CEP128: variants seen among roughly 807,000 people sequenced by gnomAD.
CEP128 encodes the protein centrosomal protein 128kDa.
Under a neutral mutation model 156.7 loss-of-function variants are expected in CEP128, and 132 were observed. The ratio of observed to expected loss-of-function variants is 0.84; its 90% CI spans 0.73 to 0.97. The LOEUF (loss-of-function observed/expected upper bound fraction) is 0.97, where lower values mean the gene tolerates loss of function less well. CEP128 is among the 50% of genes least tolerant of loss of function. The probability of loss-of-function intolerance (pLI) is 0.00; values close to 1 mark genes in which losing one functional copy is unlikely to be tolerated. For missense variants in CEP128, 1,252 were observed against 1,281.9 expected, an observed-to-expected ratio of 0.98 and a Z score of 0.36; for synonymous variants, 469 against 448.9, an observed-to-expected ratio of 1.04 and a Z score of -0.57.
intron 21 of CEP128, among the ~76,000 whole-genome samples, chr14:80,550,410 C>A (rs1162037056): frequency 6.6e-6 from 1 of 151,996 alleles, no homozygotes; most frequent in Non-Finnish European, 1.5e-5. Context: ...ATGACATTTT[C>A]TCACAATATT....
Position 80,596,846 on chromosome 14 carries a change from G to T in CEP128, c.2807-16423C>A, listed in dbSNP as rs868531985. On this transcript the variant is annotated intron_variant, in intron 19 of 24. Coordinates refer to ENST00000555265, the MANE Select transcript of CEP128 (RefSeq NM_152446.5). ...AAAAAAAAAAAAAAAAAAAAAAGGT[G>T]GGGGGGGGAGGAAAAGAAAAAGAAA... is the stretch of plus-strand genomic sequence containing the variant. Among the ~76,000 whole-genome samples, 7 of 27,870 alleles carry T rather than the reference G, an allele frequency of 2.5e-4. 1 individual carries two copies. The highest frequency in any genetic ancestry group is 9.3e-4 in the South Asian group (1 of 1,070). The allele number at this position is 27,870 out of a possible 152,430, so 18.3% of individuals were successfully genotyped here. A position where few individuals can be genotyped will look rare whatever the true frequency, so the allele number is the denominator to read the frequency against.
chr14:80,878,632 C>A (rs1462581768), intron 8 of CEP128, among the ~76,000 whole-genome samples: 1 of 152,124 alleles, frequency 6.6e-6, no homozygotes, highest in Non-Finnish European at 1.5e-5. Context: ...CTCTGGAGCA[C>A]CCCTTCCTCG....
At chr14:80,742,789 T>C (rs1898898531) in intron 19 of CEP128, 1 of 341,814 alleles carries the variant, frequency 2.9e-6, no homozygotes, top group Non-Finnish European at 5.4e-6. Flanking sequence ...CTGAAGTAAA[T>C]GTAAACATCA....
intron 19 of CEP128, among the ~76,000 whole-genome samples, chr14:80,643,008 C>T (rs1365094204): frequency 6.6e-6 from 1 of 152,122 alleles, no homozygotes; most frequent in Admixed American, 6.5e-5. Flanking sequence ...CCTGCCTCAG[C>T]CTCCCAAAGT....
At chr14:80,725,732 C>T (rs1457637170) in intron 19 of CEP128, among the ~76,000 whole-genome samples, 1 of 151,828 alleles carries the variant, frequency 6.6e-6, no homozygotes, top group Non-Finnish European at 1.5e-5. Context: ...AGAAAAATCT[C>T]CCTCCGGAAG....
intron 18 of CEP128, among the ~76,000 whole-genome samples, chr14:80,748,277 T>C (rs984656204): frequency 1.1e-4 from 16 of 152,164 alleles, no homozygotes; most frequent in African/African-American, 3.6e-4. Context: ...TCCATGTGAA[T>C]ACAGAACAAT....
At chr14:80,564,209 T>C (rs1318831830) in intron 20 of CEP128, among the ~76,000 whole-genome samples, 1 of 152,212 alleles carries the variant, frequency 6.6e-6, no homozygotes, top group Admixed American at 6.5e-5. Context: ...ACACCTAAAT[T>C]GACATAAATA....
chr14:80,507,884 A>G (rs916000566), intron 23 of CEP128, among the ~76,000 whole-genome samples: 7 of 152,082 alleles, frequency 4.6e-5, no homozygotes, highest in African/African-American at 1.7e-4. Context: ...TTGGTTATAT[A>G]TTTTCTATTT....
chr14:80,791,780 C>A (rs556598305), intron 14 of CEP128, among the ~76,000 whole-genome samples: 1 of 152,056 alleles, frequency 6.6e-6, no homozygotes, highest in East Asian at 1.9e-4. Context: ...TCTATATGTC[C>A]GAGAAATTCA....
chr14:80,761,041 T>C (rs529336699), intron 17 of CEP128, among the ~76,000 whole-genome samples: 2 of 152,154 alleles, frequency 1.3e-5, no homozygotes, highest in Admixed American at 6.5e-5. Context: ...CAGAGGATAA[T>C]GGAGAGACTA....
intron 19 of CEP128, among the ~76,000 whole-genome samples, chr14:80,673,438 T>C (rs1214013811): frequency 6.7e-6 from 1 of 149,870 alleles, no homozygotes; most frequent in African/African-American, 2.5e-5. Flanking sequence ...GGTCAGGAGA[T>C]CGAGACCATC....
At chr14:80,855,355 A>G (rs955524156) in intron 9 of CEP128, among the ~76,000 whole-genome samples, 1 of 152,096 alleles carries the variant, frequency 6.6e-6, no homozygotes, top group Admixed American at 6.6e-5. Context: ...CCTGCTTTCC[A>G]CAGGATTGTG....
intron 13 of CEP128, among the ~76,000 whole-genome samples, chr14:80,806,300 C>G (rs1011284494): frequency 3.3e-5 from 5 of 152,094 alleles, no homozygotes; most frequent in Non-Finnish European, 7.4e-5. Context: ...AAATCATGTT[C>G]TATTAATTAA....
chr14:80,759,351 T>A (rs569840271), intron 17 of CEP128, among the ~76,000 whole-genome samples: 219 of 152,318 alleles, frequency 1.4e-3, no homozygotes, highest in African/African-American at 5.1e-3. Context: ...GAAAATCTCA[T>A]CAGCAATATT....
chr14:80,954,650 A>G (rs1023723623), intron 2 of CEP128, among the ~76,000 whole-genome samples: 1 of 152,206 alleles, frequency 6.6e-6, no homozygotes, highest in Non-Finnish European at 1.5e-5. Context: ...TATGCAGTAT[A>G]GAAGGAATTG....
intron 9 of CEP128, among the ~76,000 whole-genome samples, chr14:80,859,314 A>G (rs370447997): frequency 0.038 from 5,544 of 144,330 alleles, 79 homozygotes; most frequent in Middle Eastern, 0.063. Flanking sequence ...ACCAAACACC[A>G]CATATTCTCA....
At chr14:80,519,938 T>A (rs1888659530) in intron 23 of CEP128, among the ~76,000 whole-genome samples, 1 of 152,142 alleles carries the variant, frequency 6.6e-6, no homozygotes, top group South Asian at 2.1e-4. Flanking sequence ...AAATTACTGT[T>A]CTCACATTCT....
At chr14:80,563,573 G>A (rs61981682) in intron 20 of CEP128, among the ~76,000 whole-genome samples, 2 of 113,152 alleles carry the variant, frequency 1.8e-5, no homozygotes, top group African/African-American at 3.6e-5. Flanking sequence ...CACTCTTGTC[G>A]CCCAGGCTGG....
intron 4 of CEP128, among the ~76,000 whole-genome samples, chr14:80,907,036 G>T (rs1883921904): frequency 6.6e-6 from 1 of 152,152 alleles, no homozygotes; most frequent in African/African-American, 2.4e-5. Context: ...AGCGTTAAAA[G>T]GTAGAACACC....
Sources: gnomAD v4.1 joint callset for allele counts (sites outside exome capture counted in the v4.1 genomes callset) on GRCh38, gnomAD v4.1.1 for gene constraint, MANE v1.5 for transcripts, NCBI Gene and HGNC (gene_info 2026-07-23, HGNC 2026-07-21) for gene names.